The following LDLRAD3 variants were observed in gnomAD, a reference collection of about 807,000 sequenced individuals.
LDLRAD3 encodes the protein low-density lipoprotein receptor class A domain-containing protein 3.
Under a neutral mutation model 29.4 loss-of-function variants are expected in LDLRAD3, and 20 were observed. The observed-to-expected ratio is 0.68, with a 90% CI of 0.48 to 0.99. The LOEUF is 0.99. Ranked by LOEUF, LDLRAD3 falls within the 50% of genes least tolerant of loss-of-function variation. The pLI is 0.00. For missense variants in LDLRAD3, 420 were observed against 454.3 expected (o/e 0.92, Z 0.69); for synonymous variants, 157 against 192.7 (o/e 0.81, Z 1.53).
At chr11:35,969,454 A>G (rs1397532758) in intron 1 of LDLRAD3, among the ~76,000 whole-genome samples, 1 of 152,238 alleles carries the variant, frequency 6.6e-6, no homozygotes, top group Non-Finnish European at 1.5e-5. Flanking sequence ...GCTCAGTCAA[A>G]GTCAATCTGA....
chr11:36,052,928 T>G (rs1306976932), intron 2 of LDLRAD3, among the ~76,000 whole-genome samples: 4 of 151,534 alleles, frequency 2.6e-5, no homozygotes, highest in African/African-American at 9.7e-5. Context: ...TAAGGACCAA[T>G]CAGGATTTGC....
intron 1 of LDLRAD3, among the ~76,000 whole-genome samples, chr11:36,013,109 A>G (rs1377943581): frequency 6.6e-6 from 1 of 152,212 alleles, no homozygotes; most frequent in Non-Finnish European, 1.5e-5. Flanking sequence ...TTTGTTTTCC[A>G]AATATCGCTG....
chr11:36,092,938 G>GT (rs567220308), intron 3 of LDLRAD3, among the ~76,000 whole-genome samples: 317 of 152,264 alleles, frequency 2.1e-3, no homozygotes, highest in Admixed American at 3.9e-3. Flanking sequence ...CTCTGCTTCT[G>GT]TTTTTTCTGC....
chr11:36,028,992 C>A (rs1483582645), intron 1 of LDLRAD3, among the ~76,000 whole-genome samples: 1 of 152,206 alleles, frequency 6.6e-6, no homozygotes, highest in Non-Finnish European at 1.5e-5. Flanking sequence ...CGCCTGTAAT[C>A]CAAGCACTTT....
chr11:36,169,580 C>G (rs531589368), intron 4 of LDLRAD3, among the ~76,000 whole-genome samples: 3 of 152,274 alleles, frequency 2.0e-5, no homozygotes, highest in African/African-American at 7.2e-5. Flanking sequence ...TTTCACTTAA[C>G]CTAATGTCTT....
At chr11:35,966,853 A>AC (rs1851348419) in intron 1 of LDLRAD3, among the ~76,000 whole-genome samples, 1 of 152,372 alleles carries the variant, frequency 6.6e-6, no homozygotes, top group African/African-American at 2.4e-5. Flanking sequence ...CCTGGGAAGT[A>AC]CTGTGGAAAT....
intron 3 of LDLRAD3, 49 bp downstream of exon 3, chr11:36,081,827 G>T: frequency 6.2e-7 from 1 of 1,606,814 alleles, no homozygotes; most frequent in Non-Finnish European, 8.5e-7. Context: ...TTTCCCGCCA[G>T]CCAAACTTGT....
At chr11:36,020,500 C>T (rs1852082365) in intron 1 of LDLRAD3, among the ~76,000 whole-genome samples, 1 of 152,024 alleles carries the variant, frequency 6.6e-6, no homozygotes, top group African/African-American at 2.4e-5. Context: ...ATTTTTCCCT[C>T]CTTCTTTTTC....
rs1855551169 is a variant in LDLRAD3, at chr11:36,229,739, T to C, written c.*342T>C. On this transcript the variant is annotated 3_prime_UTR_variant, in exon 6 of 6. Transcript: ENST00000315571. ...GAGAGAGCAATGTTTCTGTGCTATA[T>C]TGGATGCTCAGAAGTGCAGGAGACG... 2 of 237,450 alleles carry C rather than the reference T, an allele frequency of 8.4e-6. No individual in the cohort carries two copies. Among genetic ancestry groups the C allele is most frequent in the Non-Finnish European group, 1.6e-5 (2 of 121,644 alleles). 14.7% of individuals were successfully genotyped at this position (237,450 alleles called of 1,614,324 possible).
chr11:36,190,637 T>C (rs2133365395), intron 4 of LDLRAD3, among the ~76,000 whole-genome samples: 1 of 152,158 alleles, frequency 6.6e-6, no homozygotes, highest in East Asian at 1.9e-4. Flanking sequence ...GTAGGAATTC[T>C]AGAGAGAAGA....
Position 36,040,040 on chromosome 11 carries a change from C to A in LDLRAD3, c.193+3791C>A, listed in dbSNP as rs538571445. 5.9e-5 allele frequency among the ~76,000 whole-genome samples: 9 copies of A among 152,264 alleles called. No homozygotes were observed. In the South Asian group the frequency reaches 1.9e-3, roughly 32 times the overall value. On this transcript the variant is annotated intron_variant, in intron 2 of 5. Coordinates refer to ENST00000315571, the MANE Select transcript of LDLRAD3 (RefSeq NM_174902.4). Reference sequence around the variant, plus strand: ...TGTCTTGCTTATGAGCTACAAAGCCCTTTCTCTGATTCTTTGGAGCAACTG... The same window carrying A: ...TGTCTTGCTTATGAGCTACAAAGCCATTTCTCTGATTCTTTGGAGCAACTG...
Position 36,133,200 on chromosome 11 carries a change from CTTTTTTCT to C in LDLRAD3, c.454+34746_454+34753del, listed in dbSNP as rs991714324. ...AAGGCCAAGTCCATTTGTCCATTTTCTTTTTTCTTTTTTTTAGTTGAGATGGGGCCTTG... is the reference window on the plus strand; with the variant it reads ...AAGGCCAAGTCCATTTGTCCATTTTCTTTTTTTAGTTGAGATGGGGCCTTG... On this transcript the variant is annotated intron_variant, in intron 4 of 5. Coordinates refer to ENST00000315571, the MANE Select transcript of LDLRAD3 (RefSeq NM_174902.4). Among the ~76,000 whole-genome samples, 1,031 of 111,720 alleles carry C rather than the reference CTTTTTTCT, an allele frequency of 9.2e-3. 17 individuals carry two copies. The highest frequency in any genetic ancestry group is 0.034 in the African/African-American group (989 of 29,150). 73.3% of individuals were successfully genotyped at this position (111,720 alleles called of 152,430 possible).
In LDLRAD3 at chr11:36,103,236, C is replaced by CTTT. The variant is rs3082245; in HGVS notation, c.454+4791_454+4793dup. 5.2e-3 allele frequency among the ~76,000 whole-genome samples: 649 copies of CTTT among 123,912 alleles called. 23 individuals carry two copies. The highest frequency in any genetic ancestry group is 0.017 in the African/African-American group (560 of 32,364). 81.3% of individuals were successfully genotyped at this position (123,912 alleles called of 152,430 possible). On this transcript the variant is annotated intron_variant, in intron 4 of 5. Transcript: ENST00000315571. ...ACAGTGGAATCATACAGTATTTAAT[C>CTTT]TTTTTTTTTTTTTTTTTTGAAGTGG...
At chr11:36,191,612 A>G (rs1360703220) in intron 4 of LDLRAD3, among the ~76,000 whole-genome samples, 14 of 120,820 alleles carry the variant, frequency 1.2e-4, no homozygotes, top group Admixed American at 2.4e-4. Context: ...ACACACACAC[A>G]CACACACACA....
chr11:36,069,855 C>T (rs112673247), intron 2 of LDLRAD3, among the ~76,000 whole-genome samples: 46 of 152,108 alleles, frequency 3.0e-4, no homozygotes, highest in African/African-American at 9.9e-4. Context: ...TTTGCAGGTG[C>T]GACACAGAGT....
chr11:36,204,992 A>G (rs1855185559), intron 4 of LDLRAD3, among the ~76,000 whole-genome samples: 1 of 152,098 alleles, frequency 6.6e-6, no homozygotes, highest in Non-Finnish European at 1.5e-5. Flanking sequence ...GCCCTAATGC[A>G]CAGCCCCCAT....
At chr11:35,981,060 G>A (rs917304733) in intron 1 of LDLRAD3, among the ~76,000 whole-genome samples, 3 of 152,106 alleles carry the variant, frequency 2.0e-5, no homozygotes, top group Non-Finnish European at 4.4e-5. Context: ...TCACATACGG[G>A]AAGAAGAAGA....
At chr11:35,999,913 C>T (rs1851801938) in intron 1 of LDLRAD3, among the ~76,000 whole-genome samples, 1 of 152,168 alleles carries the variant, frequency 6.6e-6, no homozygotes, top group South Asian at 2.1e-4. Context: ...TGCCTGTGCC[C>T]ATGGAGACAT....
At chr11:36,078,973 A>T (rs1853064388) in intron 2 of LDLRAD3, among the ~76,000 whole-genome samples, 1 of 152,130 alleles carries the variant, frequency 6.6e-6, no homozygotes, top group Non-Finnish European at 1.5e-5. Context: ...TACAGCGGAG[A>T]GCGAGGTTAA....
Sources: allele counts gnomAD v4.1 joint callset (sites outside exome capture counted in the v4.1 genomes callset), GRCh38; gene constraint gnomAD v4.1.1; transcripts MANE v1.5; gene names NCBI Gene and HGNC (gene_info 2026-07-23, HGNC 2026-07-21).